SPOCK1: variants seen among roughly 807,000 people sequenced by gnomAD.
SPOCK1 encodes the protein SPARC (osteonectin), cwcv and kazal like domains proteoglycan 1.
A neutral mutation model predicts 55.3 loss-of-function variants in SPOCK1; 23 were observed. That is an observed-to-expected ratio of 0.42 (90% CI 0.30 to 0.59). The LOEUF is 0.59. Ranked by LOEUF, SPOCK1 falls within the 20% of genes least tolerant of loss-of-function variation. The pLI, the probability that SPOCK1 is intolerant of heterozygous loss-of-function variation, is 0.22. For synonymous variants in SPOCK1, 226 were observed against 221.0 expected, an observed-to-expected ratio of 1.02 and a Z score of -0.20; for missense variants, 499 against 552.5, an observed-to-expected ratio of 0.90 and a Z score of 0.97.
At position 137,301,275 on chromosome 5, in the gene SPOCK1, C is replaced by A. The variant is rs936162868; in HGVS notation, c.187-34220G>T. Among the ~76,000 whole-genome samples, 5 of 152,302 alleles carry A rather than the reference C, an allele frequency of 3.3e-5. No individual in the cohort carries two copies. The South Asian group carries it at 1.0e-3, about 32-fold the overall frequency. ...CTCCAGCCTGGACAAAGAGCAGATCCCAGTAGATGCCTGTGGCTGTCCTGG... is the reference window on the plus strand; with the variant it reads ...CTCCAGCCTGGACAAAGAGCAGATCACAGTAGATGCCTGTGGCTGTCCTGG... On this transcript the variant is annotated intron_variant, in intron 2 of 10. Coordinates refer to ENST00000394945, the MANE Select transcript of SPOCK1 (RefSeq NM_004598.4).
intron 3 of SPOCK1, among the ~76,000 whole-genome samples, chr5:137,264,067 C>G (rs796553742): frequency 2.6e-5 from 4 of 152,008 alleles, no homozygotes; most frequent in Non-Finnish European, 5.9e-5. Flanking sequence ...CACACCAACA[C>G]GACAATCAGA....
At chr5:137,049,287 G>A (rs199571458) in intron 6 of SPOCK1, among the ~76,000 whole-genome samples, 1,949 of 126,196 alleles carry the variant, frequency 0.015, 24 homozygotes, top group East Asian at 0.078. Context: ...CCAGTCAGAC[G>A]TAGATTTGGT....
At chr5:137,432,600 T>C (rs1404926581) in intron 2 of SPOCK1, among the ~76,000 whole-genome samples, 12 of 151,998 alleles carry the variant, frequency 7.9e-5, no homozygotes, top group Admixed American at 7.9e-4. Flanking sequence ...GGTGGTTGCC[T>C]GGGGCTGGGA....
chr5:137,094,964 C>T (rs1456577346), intron 5 of SPOCK1, among the ~76,000 whole-genome samples: 7 of 152,178 alleles, frequency 4.6e-5, no homozygotes, highest in African/African-American at 1.7e-4. Context: ...TTCGCCTGAA[C>T]ACTTAGAGGC....
intron 7 of SPOCK1, among the ~76,000 whole-genome samples, chr5:136,989,013 G>A (rs1033103068): frequency 1.3e-5 from 2 of 152,078 alleles, no homozygotes; most frequent in South Asian, 2.1e-4. Context: ...CTATGCTTTC[G>A]TATTTCAAAA....
intron 3 of SPOCK1, among the ~76,000 whole-genome samples, chr5:137,200,581 T>C (rs570940014): frequency 6.6e-6 from 1 of 152,358 alleles, no homozygotes; most frequent in South Asian, 2.1e-4. Context: ...AGGTACTTAC[T>C]ATTCATTCAG....
rs200787506 is a variant in SPOCK1 at position 137,112,509 on chromosome 5, C to T, written c.400G>A (p.Val134Ile). ...GCCACGGGACAGGGCTTGCACTTGA[C>T]CAAATTCGAAGGTCCAACCCAGTGT... is the stretch of plus-strand genomic sequence containing the variant. The part of the protein sequence containing the change: ...QKHWVGPSNL[V>I]KCKPCPVAQS... Residue 134 changes from valine to isoleucine, a missense_variant, in exon 5 of 11, where the codon GTC becomes ATC. Val to Ile is a conservative substitution (Grantham distance 29). Transcript: ENST00000394945. The T allele has an allele frequency of 6.2e-7, 1 of 1,613,824 alleles. No homozygotes were observed. Among genetic ancestry groups the T allele is most frequent in the Non-Finnish European group, 8.5e-7 (1 of 1,180,008 alleles).
chr5:137,014,900 T>G (rs578220766), intron 6 of SPOCK1, among the ~76,000 whole-genome samples: 6 of 152,306 alleles, frequency 3.9e-5, no homozygotes, highest in Admixed American at 3.3e-4. Flanking sequence ...GTGGGGGTCT[T>G]GCTGAGAAAA....
rs1752091698 is a variant in SPOCK1 at position 137,406,032 on chromosome 5, G to T, written c.186+92341C>A. ...ATTCAGAGTCCCCAGGCAAGCTGTGGCTCTCCAGGTTGCTGTGACAGTCCA... is the reference window on the plus strand; with the variant it reads ...ATTCAGAGTCCCCAGGCAAGCTGTGTCTCTCCAGGTTGCTGTGACAGTCCA... On this transcript the variant is annotated intron_variant, in intron 2 of 10. Coordinates refer to ENST00000394945, the MANE Select transcript of SPOCK1 (RefSeq NM_004598.4). Among the ~76,000 whole-genome samples the T allele has an allele frequency of 2.0e-5, 3 of 152,196 alleles. No individual in the cohort carries two copies. In the South Asian group the frequency reaches 6.2e-4, roughly 32 times the overall value.
chr5:137,270,624 G>A (rs1434645), intron 2 of SPOCK1, among the ~76,000 whole-genome samples: 103,447 of 152,108 alleles, frequency 0.68, 35,706 homozygotes, highest in African/African-American at 0.77. Context: ...GAAAGACCCT[G>A]TAAATGTAAA....
chr5:137,145,448 T>C (rs1025124349), intron 3 of SPOCK1, among the ~76,000 whole-genome samples: 1 of 152,224 alleles, frequency 6.6e-6, no homozygotes, highest in African/African-American at 2.4e-5. Context: ...ATAGGCTAAT[T>C]GGCAAAGGGT....
At chr5:137,033,368 A>G (rs557975818) in intron 6 of SPOCK1, among the ~76,000 whole-genome samples, 2 of 152,330 alleles carry the variant, frequency 1.3e-5, no homozygotes, top group Admixed American at 1.3e-4. Context: ...GCATTTGCTG[A>G]CAAGCCTGCC....
intron 2 of SPOCK1, among the ~76,000 whole-genome samples, chr5:137,468,255 T>C (rs1408276543): frequency 6.6e-6 from 1 of 152,222 alleles, no homozygotes; most frequent in Non-Finnish European, 1.5e-5. Flanking sequence ...TGCCAATACA[T>C]GGCAGAGATA....
At chr5:137,479,095 G>A (rs563340049) in intron 2 of SPOCK1, among the ~76,000 whole-genome samples, 2 of 151,616 alleles carry the variant, frequency 1.3e-5, no homozygotes, top group East Asian at 3.9e-4. Flanking sequence ...TGCCGTGTAA[G>A]GGTATACTAG....
chr5:137,031,436 A>T (rs1751777610), intron 6 of SPOCK1, among the ~76,000 whole-genome samples: 1 of 152,198 alleles, frequency 6.6e-6, no homozygotes, highest in Non-Finnish European at 1.5e-5. Context: ...ATATCCCCCA[A>T]TGGGAAAACC....
At chr5:137,370,113 C>T (rs994130083) in intron 2 of SPOCK1, among the ~76,000 whole-genome samples, 8 of 152,068 alleles carry the variant, frequency 5.3e-5, no homozygotes, top group Non-Finnish European at 7.4e-5. Context: ...AGGTAGAATT[C>T]GTCTCCTAGG....
At chr5:137,396,591 C>T (rs1751853749) in intron 2 of SPOCK1, among the ~76,000 whole-genome samples, 1 of 152,226 alleles carries the variant, frequency 6.6e-6, no homozygotes, top group Admixed American at 6.5e-5. Flanking sequence ...GCACCTGCAG[C>T]TACCTATGAG....
intron 2 of SPOCK1, among the ~76,000 whole-genome samples, chr5:137,437,373 G>C (rs1752888436): frequency 6.6e-6 from 1 of 152,158 alleles, no homozygotes; most frequent in South Asian, 2.1e-4. Context: ...TTATAAAGCA[G>C]GTTTGCAATA....
intron 3 of SPOCK1, among the ~76,000 whole-genome samples, chr5:137,180,088 G>A (rs1050475523): frequency 3.9e-5 from 6 of 152,172 alleles, no homozygotes; most frequent in African/African-American, 1.4e-4. Context: ...CCATTGAGTA[G>A]CTGAATGGGA....
Sources: allele counts gnomAD v4.1 joint callset (sites outside exome capture counted in the v4.1 genomes callset), GRCh38; gene constraint gnomAD v4.1.1; transcripts MANE v1.5; gene names NCBI Gene and HGNC (gene_info 2026-07-23, HGNC 2026-07-21).